The following NUFIP1 variants were observed in gnomAD, a reference collection of about 807,000 sequenced individuals.
The protein encoded by NUFIP1 is FMR1-interacting protein NUFIP1.
A neutral mutation model predicts 56.2 loss-of-function variants in NUFIP1; 38 were observed. That is an observed-to-expected ratio of 0.68 (90% CI 0.52 to 0.89). The LOEUF (loss-of-function observed/expected upper bound fraction) is 0.89, where lower values mean the gene tolerates loss of function less well. NUFIP1 is among the 40% of genes least tolerant of loss of function. NUFIP1 has a pLI of 0.00. For missense variants in NUFIP1, 567 were observed against 605.8 expected (o/e 0.94, Z 0.67); for synonymous variants, 215 against 212.4 (o/e 1.01, Z -0.10).
intron 7 of NUFIP1, among the ~76,000 whole-genome samples, chr13:44,954,798 G>A (rs1871173261): frequency 6.6e-6 from 1 of 152,224 alleles, no homozygotes; most frequent in South Asian, 2.1e-4. Context: ...ACAGTTACCA[G>A]TGGGTATCCA....
chr13:44,945,717 T>C (rs1380397381), intron 8 of NUFIP1, among the ~76,000 whole-genome samples: 1 of 152,012 alleles, frequency 6.6e-6, no homozygotes, highest in African/African-American at 2.4e-5. Context: ...AGAAAAACCA[T>C]ATGAACAGTT....
Position 44,941,457 on chromosome 13 carries a change from C to T in NUFIP1, c.1372-135G>A, listed in dbSNP as rs191904983. 10 of 540,284 alleles carry T rather than the reference C, an allele frequency of 1.9e-5. No homozygotes were observed. In the East Asian group the frequency reaches 2.8e-4, roughly 15 times the overall value. The allele number at this position is 540,284 out of a possible 1,614,324, so 33.5% of individuals were successfully genotyped here. ...AATATGTATTATATTCACTATTTTG[C>T]TAAAAAACGATGCAAGAACATGTCC... On this transcript the variant is annotated intron_variant, in intron 9 of 9. Transcript: ENST00000379161.
chr13:44,980,741 T>A lies in NUFIP1; in HGVS notation c.575A>T (p.His192Leu), dbSNP rs1015232095. Residue 192 changes from histidine to leucine, a missense_variant, in exon 3 of 10, where the codon CAC becomes CTC. Transcript: ENST00000379161. Reference protein sequence around the residue: ...GFKNQEKYDKHMSEHTKCPEL... With the variant: ...GFKNQEKYDKLMSEHTKCPEL... Reference sequence around the variant, plus strand: ...ACCTACTTTTGTATGTTCAGACATGTGTTTGTCATACTTTTCTTGATTTTT... The same window carrying A: ...ACCTACTTTTGTATGTTCAGACATGAGTTTGTCATACTTTTCTTGATTTTT... 5 of 1,602,228 alleles carry A rather than the reference T, an allele frequency of 3.1e-6. No homozygotes were observed. The highest frequency in any genetic ancestry group is 1.3e-5 in the African/African-American group (1 of 74,304).
chr13:44,948,141 C>CTTTTTTTTT (rs61398364), intron 8 of NUFIP1, among the ~76,000 whole-genome samples: 2 of 120,858 alleles, frequency 1.7e-5, no homozygotes, highest in Admixed American at 8.5e-5. Context: ...ACTACATTTC[C>CTTTTTTTTT]TTTTTTTTTT....
At chr13:44,962,020 C>T (rs537994042) in intron 6 of NUFIP1, among the ~76,000 whole-genome samples, 1 of 151,922 alleles carries the variant, frequency 6.6e-6, no homozygotes, top group Non-Finnish European at 1.5e-5. Flanking sequence ...AATCAACCAT[C>T]TAAAAATAGT....
chr13:44,962,184 T>G (rs1212811731), intron 6 of NUFIP1, among the ~76,000 whole-genome samples: 1 of 152,162 alleles, frequency 6.6e-6, no homozygotes, highest in Non-Finnish European at 1.5e-5. Context: ...AACTAAGCAC[T>G]AGTTAAAAGG....
intron 7 of NUFIP1, among the ~76,000 whole-genome samples, chr13:44,958,555 C>T (rs1220855172): frequency 3.3e-5 from 5 of 152,138 alleles, no homozygotes; most frequent in African/African-American, 7.2e-5. Flanking sequence ...TCTTGCCACT[C>T]GTAAGTTCAA....
chr13:44,983,070 A>G (rs1872250621), intron 1 of NUFIP1, among the ~76,000 whole-genome samples: 1 of 152,110 alleles, frequency 6.6e-6, no homozygotes, highest in South Asian at 2.1e-4. Flanking sequence ...GCCCAGGCTG[A>G]TCTCACACTC....
At chr13:44,955,730 G>A (rs972815250) in intron 7 of NUFIP1, among the ~76,000 whole-genome samples, 14 of 152,034 alleles carry the variant, frequency 9.2e-5, no homozygotes, top group Non-Finnish European at 5.9e-5. Context: ...GAATATTTAC[G>A]GCAGGGGTGT....
At chr13:44,987,032 C>G (rs2137930420) in intron 1 of NUFIP1, among the ~76,000 whole-genome samples, 1 of 152,054 alleles carries the variant, frequency 6.6e-6, no homozygotes, top group Non-Finnish European at 1.5e-5. Context: ...GTTGCCCAGG[C>G]AGGTCTCAAA....
At chr13:44,961,970 T>C (rs914211190) in intron 6 of NUFIP1, among the ~76,000 whole-genome samples, 7 of 152,232 alleles carry the variant, frequency 4.6e-5, no homozygotes, top group East Asian at 3.8e-4. Context: ...AGTTCTGTTA[T>C]ACCACGACTT....
intron 7 of NUFIP1, among the ~76,000 whole-genome samples, chr13:44,959,028 C>T (rs575792785): frequency 6.2e-4 from 95 of 152,288 alleles, no homozygotes; most frequent in Non-Finnish European, 1.1e-3. Context: ...AGAATTGCTG[C>T]TTTATAGGTA....
chr13:44,952,259 G>T (rs1871108266), intron 7 of NUFIP1, among the ~76,000 whole-genome samples: 1 of 152,056 alleles, frequency 6.6e-6, no homozygotes, highest in Admixed American at 6.6e-5. Context: ...TAAGTAGCTG[G>T]AATTACAGGC....
At chr13:44,976,712 ACAT>A (rs1399985384) in intron 5 of NUFIP1, among the ~76,000 whole-genome samples, 1 of 152,202 alleles carries the variant, frequency 6.6e-6, no homozygotes, top group Non-Finnish European at 1.5e-5. Flanking sequence ...ATAACTGAAT[ACAT>A]CATAAGATTG....
At chr13:44,941,914 CT>C (rs200139296) in intron 9 of NUFIP1, among the ~76,000 whole-genome samples, 5 of 146,802 alleles carry the variant, frequency 3.4e-5, no homozygotes, top group Admixed American at 6.8e-5. Flanking sequence ...GTCTGCGATT[CT>C]TTTTTTTTTG....
intron 6 of NUFIP1, among the ~76,000 whole-genome samples, chr13:44,960,323 C>T (rs574166632): frequency 6.6e-6 from 1 of 152,224 alleles, no homozygotes; most frequent in Admixed American, 6.5e-5. Context: ...GGCTGGAGTG[C>T]AATGGCATGA....
In NUFIP1 at chr13:44,979,275, A is replaced by C; in HGVS notation, c.658-9T>G. 1 of 1,602,606 alleles carries C rather than the reference A, an allele frequency of 6.2e-7. No individual in the cohort carries two copies. On this transcript the variant is annotated splice_polypyrimidine_tract_variant and intron_variant, in intron 4 of 9. Transcript: ENST00000379161. ...ATGCCAGGAGCATGCATCTAGGGGG[A>C]AAAAGCCTGCTGAACATCAGGAGGC...
chr13:44,941,817 C>T (rs1290465647), intron 9 of NUFIP1, among the ~76,000 whole-genome samples: 2 of 152,026 alleles, frequency 1.3e-5, no homozygotes, highest in Non-Finnish European at 2.9e-5. Context: ...CCGGCCAAGA[C>T]AATCTAGCTT....
rs1179249938 is a variant in NUFIP1, at chr13:44,941,120, C to G, written c.*86G>C. 2 of 661,940 alleles carry G rather than the reference C, an allele frequency of 3.0e-6. No individual in the cohort carries two copies. Among genetic ancestry groups the G allele is most frequent in the South Asian group, 2.2e-5 (1 of 44,988 alleles). 41.0% of individuals were successfully genotyped at this position (661,940 alleles called of 1,614,324 possible). A position where few individuals can be genotyped will look rare whatever the true frequency, so the allele number is the denominator to read the frequency against. On this transcript the variant is annotated 3_prime_UTR_variant, in exon 10 of 10. Coordinates refer to ENST00000379161, the MANE Select transcript of NUFIP1 (RefSeq NM_012345.3). The stretch of plus-strand genomic sequence containing the variant: ...AATTTAATTACAAATCCAATTTTGA[C>G]GGAAAAAAGGGTTTTGGTTTTCCTC...
Sources: allele counts gnomAD v4.1 joint callset (sites outside exome capture counted in the v4.1 genomes callset), GRCh38; gene constraint gnomAD v4.1.1; transcripts MANE v1.5; gene names NCBI Gene and HGNC (gene_info 2026-07-23, HGNC 2026-07-21).